Variants in SIPA1L1 observed in about 807,000 individuals in gnomAD.
SIPA1L1 encodes the protein signal-induced proliferation-associated 1-like protein 1.
A neutral mutation model predicts 162.7 loss-of-function variants in SIPA1L1; 26 were observed. The ratio of observed to expected loss-of-function variants is 0.16; its 90% CI spans 0.12 to 0.22. The LOEUF (loss-of-function observed/expected upper bound fraction) is 0.22, where lower values mean the gene tolerates loss of function less well. Among genes scored for constraint, SIPA1L1 ranks in the 10% least tolerant of loss-of-function variants. The probability of loss-of-function intolerance (pLI) is 1.00; values close to 1 mark genes in which losing one functional copy is unlikely to be tolerated. For synonymous variants in SIPA1L1, 829 were observed against 837.4 expected (o/e 0.99, Z 0.17); for missense variants, 1,874 against 2,241.0 (o/e 0.84, Z 3.31).
intron 12 of SIPA1L1, among the ~76,000 whole-genome samples, chr14:71,680,903 A>C (rs1040706764): frequency 3.9e-5 from 6 of 152,194 alleles, no homozygotes; most frequent in Non-Finnish European, 7.3e-5. Context: ...GCATCTGGAC[A>C]CAAAGGCAGG....
rs774409621 is a variant in SIPA1L1 at position 71,544,259 on chromosome 14, CATG to C, written c.-303+14892_-303+14894del. On this transcript the variant is annotated intron_variant, in intron 4 of 23. Transcript: ENST00000381232. ...GTATGTATACACATATGTATATACA[CATG>C]ATATGTGTATATACATATGTGTATA... 5.5e-4 allele frequency among the ~76,000 whole-genome samples: 58 copies of C among 105,588 alleles called. 1 individual carries two copies. The highest frequency in any genetic ancestry group is 5.5e-4 in the African/African-American group (20 of 36,478). 69.3% of individuals were successfully genotyped at this position (105,588 alleles called of 152,430 possible).
rs751907979 is a variant in SIPA1L1 at position 71,661,412 on chromosome 14, C to G, written c.2200C>G (p.His734Asp). 6.2e-7 allele frequency: 1 copy of G among 1,614,006 alleles called. No individual in the cohort carries two copies. Among genetic ancestry groups the G allele is most frequent in the South Asian group, 1.1e-5 (1 of 91,074 alleles). Residue 734 changes from histidine (H) to aspartate (D), a missense_variant, in exon 10 of 24, where the codon CAC becomes GAC. Physicochemically the swap from His to Asp is moderately conservative, Grantham distance 81 (BLOSUM62 -1). Coordinates refer to ENST00000381232, the MANE Select transcript of SIPA1L1 (RefSeq NM_001386936.1). ...SPKNIRSHFQ[H>D]VFVIVRVHNP... is the part of the protein sequence containing the mutation. ...AAAAAACATCCGATCCCACTTCCAG[C>G]ACGTTTTCGTCATCGTCAGGGTGCA...
chr14:71,434,681 C>T (rs1219461967), intron 2 of SIPA1L1, among the ~76,000 whole-genome samples: 1 of 152,094 alleles, frequency 6.6e-6, no homozygotes, highest in African/African-American at 2.4e-5. Context: ...TGGGCTCAAG[C>T]GATCCTCCCA....
At chr14:71,673,603 G>A (rs1030999982) in intron 12 of SIPA1L1, among the ~76,000 whole-genome samples, 16 of 152,098 alleles carry the variant, frequency 1.1e-4, no homozygotes, top group African/African-American at 3.4e-4. Context: ...GTGTGTGTGT[G>A]CGTGTGTGTG....
chr14:71,506,552 A>G (rs560989203), intron 2 of SIPA1L1, among the ~76,000 whole-genome samples: 211 of 152,052 alleles, frequency 1.4e-3, no homozygotes, highest in Non-Finnish European at 2.5e-3. Context: ...TGTTGGCCAG[A>G]CAGGTCTCGA....
intron 2 of SIPA1L1, among the ~76,000 whole-genome samples, chr14:71,511,188 A>G (rs536224664): frequency 5.9e-5 from 9 of 152,310 alleles, no homozygotes; most frequent in African/African-American, 2.2e-4. Flanking sequence ...GTGACATAAG[A>G]AGTATATGTT....
At chr14:71,434,752 AT>A (rs1364923342) in intron 2 of SIPA1L1, among the ~76,000 whole-genome samples, 5 of 151,930 alleles carry the variant, frequency 3.3e-5, no homozygotes, top group Non-Finnish European at 7.4e-5. Flanking sequence ...CTAACTTACT[AT>A]TTTTTTGTAA....
chr14:71,340,145 G>C (rs2035498995), intron 2 of SIPA1L1, among the ~76,000 whole-genome samples: 1 of 152,140 alleles, frequency 6.6e-6, no homozygotes, highest in Admixed American at 6.5e-5. Context: ...ATTTTCATCT[G>C]TTTCTCCAAT....
chr14:71,645,985 G>A (rs1263894602), intron 7 of SIPA1L1, among the ~76,000 whole-genome samples: 1 of 152,118 alleles, frequency 6.6e-6, no homozygotes, highest in African/African-American at 2.4e-5. Context: ...CTCATCGTTT[G>A]TTCTACCCCA....
intron 2 of SIPA1L1, among the ~76,000 whole-genome samples, chr14:71,348,230 C>T (rs2036361347): frequency 6.6e-6 from 1 of 152,118 alleles, no homozygotes; most frequent in African/African-American, 2.4e-5. Flanking sequence ...TATTACCAGC[C>T]CCCACAAAAG....
At chr14:71,527,446 A>C (rs539947061) in intron 3 of SIPA1L1, among the ~76,000 whole-genome samples, 25 of 152,124 alleles carry the variant, frequency 1.6e-4, no homozygotes, top group African/African-American at 5.5e-4. Flanking sequence ...GGCTCAAGCA[A>C]TCCTCCTGCT....
intron 2 of SIPA1L1, among the ~76,000 whole-genome samples, chr14:71,460,399 A>G (rs1331853502): frequency 6.6e-6 from 1 of 152,158 alleles, no homozygotes; most frequent in African/African-American, 2.4e-5. Context: ...GGGCATAGTA[A>G]TACTGAGAGA....
intron 2 of SIPA1L1, among the ~76,000 whole-genome samples, chr14:71,502,255 A>AAAAAAAATATAT (rs67020418): frequency 1.0e-5 from 1 of 97,558 alleles, no homozygotes; most frequent in African/African-American, 4.5e-5. Flanking sequence ...AAAAAAAAAA[A>AAAAAAAATATAT]ATATATATAT....
chr14:71,474,301 A>G (rs973095463), intron 2 of SIPA1L1, among the ~76,000 whole-genome samples: 3 of 152,230 alleles, frequency 2.0e-5, no homozygotes, highest in Non-Finnish European at 4.4e-5. Flanking sequence ...GTTATTTTAC[A>G]TGGAATTGTC....
chr14:71,537,289 T>G (rs1188562212), intron 4 of SIPA1L1, among the ~76,000 whole-genome samples: 4 of 152,182 alleles, frequency 2.6e-5, no homozygotes, highest in Non-Finnish European at 5.9e-5. Context: ...CAACCTCCAC[T>G]TCTTGGGTTC....
At chr14:71,556,301 A>G (rs1224216967) in intron 4 of SIPA1L1, among the ~76,000 whole-genome samples, 2 of 152,230 alleles carry the variant, frequency 1.3e-5, no homozygotes, top group Admixed American at 1.3e-4. Flanking sequence ...ATCAACACAG[A>G]AAACACTTCT....
intron 13 of SIPA1L1, among the ~76,000 whole-genome samples, chr14:71,697,357 CTTAA>C (rs919815984): frequency 6.6e-6 from 1 of 152,068 alleles, no homozygotes; most frequent in Non-Finnish European, 1.5e-5. Flanking sequence ...AGTAGTTGAA[CTTAA>C]TTAACCCAAT....
intron 5 of SIPA1L1, among the ~76,000 whole-genome samples, chr14:71,603,013 T>C (rs1185005838): frequency 6.6e-6 from 1 of 152,170 alleles, no homozygotes; most frequent in East Asian, 1.9e-4. Flanking sequence ...TAATAATGTT[T>C]TGTTTATGTA....
intron 4 of SIPA1L1, among the ~76,000 whole-genome samples, 181 bp downstream of exon 4, chr14:71,529,551 C>T (rs2053230487): frequency 6.6e-6 from 1 of 152,164 alleles, no homozygotes. Context: ...TATACAAATA[C>T]AGTGTAATAG....
Sources: allele counts gnomAD v4.1 joint callset (sites outside exome capture counted in the v4.1 genomes callset), GRCh38; gene constraint gnomAD v4.1.1; transcripts MANE v1.5; gene names NCBI Gene and HGNC (gene_info 2026-07-23, HGNC 2026-07-21).